Variants in TOX observed in about 807,000 individuals in gnomAD.
The protein encoded by TOX is thymocyte selection-associated high mobility group box protein TOX.
Under a neutral mutation model 53.7 loss-of-function variants are expected in TOX, and 11 were observed. That is an observed-to-expected ratio of 0.20 (90% confidence interval 0.13 to 0.34). The LOEUF is 0.34. Among genes scored for constraint, TOX ranks in the 10% least tolerant of loss-of-function variants. TOX has a pLI of 1.00. For synonymous variants in TOX, 225 were observed against 245.3 expected (o/e 0.92, Z 0.77); for missense variants, 570 against 664.6 (o/e 0.86, Z 1.56).
At chr8:58,982,440 C>T (rs539605013) in intron 1 of TOX, among the ~76,000 whole-genome samples, 318 of 152,300 alleles carry the variant, frequency 2.1e-3, no homozygotes, top group African/African-American at 7.1e-3. Context: ...TCATCAAAGA[C>T]GCCTATCAGA....
intron 3 of TOX, among the ~76,000 whole-genome samples, chr8:58,878,205 G>GAA (rs3083365): frequency 4.3e-5 from 6 of 141,170 alleles, no homozygotes; most frequent in East Asian, 4.1e-4. Flanking sequence ...GTGGTATTTG[G>GAA]AAAAAAAAAA....
intron 1 of TOX, among the ~76,000 whole-genome samples, chr8:59,008,821 C>A (rs1479854030): frequency 6.6e-6 from 1 of 152,200 alleles, no homozygotes; most frequent in African/African-American, 2.4e-5. Flanking sequence ...AGATGGCCAC[C>A]AGTAAGCTAA....
intron 3 of TOX, among the ~76,000 whole-genome samples, chr8:58,928,629 A>T (rs1424952999): frequency 7.1e-6 from 1 of 140,092 alleles, no homozygotes; most frequent in Non-Finnish European, 1.5e-5. Flanking sequence ...CTTTTCAAGC[A>T]CTATATATAT....
At chr8:59,052,730 T>C (rs1316757697) in intron 1 of TOX, among the ~76,000 whole-genome samples, 1 of 152,214 alleles carries the variant, frequency 6.6e-6, no homozygotes, top group Non-Finnish European at 1.5e-5. Context: ...TCTCTGTTCA[T>C]TTCTTCTGAT....
At chr8:59,034,949 T>C (rs1423237318) in intron 1 of TOX, among the ~76,000 whole-genome samples, 2 of 151,912 alleles carry the variant, frequency 1.3e-5, no homozygotes, top group African/African-American at 4.8e-5. Flanking sequence ...AGTCTCAAGG[T>C]CAGGAAGTGG....
chr8:58,811,299 A>G (rs1224801034), intron 7 of TOX, among the ~76,000 whole-genome samples: 1 of 152,230 alleles, frequency 6.6e-6, no homozygotes, highest in Non-Finnish European at 1.5e-5. Context: ...GAGAAAAATC[A>G]CCAACTGTTT....
At chr8:58,849,838 C>T (rs998871618) in intron 4 of TOX, among the ~76,000 whole-genome samples, 1 of 152,164 alleles carries the variant, frequency 6.6e-6, no homozygotes, top group African/African-American at 2.4e-5. Flanking sequence ...AGCAAATTGA[C>T]TTGAATTATT....
At chr8:58,813,508 T>C (rs1810120509) in intron 7 of TOX, among the ~76,000 whole-genome samples, 1 of 152,196 alleles carries the variant, frequency 6.6e-6, no homozygotes, top group African/African-American at 2.4e-5. Context: ...TAATTCTTCA[T>C]ACAAACACTA....
intron 1 of TOX, among the ~76,000 whole-genome samples, chr8:59,113,001 C>T (rs1805043394): frequency 6.6e-6 from 1 of 152,166 alleles, no homozygotes; most frequent in Non-Finnish European, 1.5e-5. Flanking sequence ...GAGATTCACA[C>T]TCAGATAGCT....
intron 1 of TOX, among the ~76,000 whole-genome samples, chr8:58,996,158 T>G (rs2129417725): frequency 6.6e-6 from 1 of 152,364 alleles, no homozygotes; most frequent in South Asian, 2.1e-4. Flanking sequence ...GAAAATGCTT[T>G]GCATGTATGA....
intron 1 of TOX, among the ~76,000 whole-genome samples, chr8:59,073,574 G>C (rs536914202): frequency 8.6e-5 from 13 of 151,644 alleles, no homozygotes; most frequent in African/African-American, 2.4e-4. Flanking sequence ...TTGTTTTTTT[G>C]TTTTGTTTTG....
chr8:58,823,190 T>C (rs1810310144), intron 6 of TOX, among the ~76,000 whole-genome samples: 1 of 152,188 alleles, frequency 6.6e-6, no homozygotes, highest in Admixed American at 6.5e-5. Flanking sequence ...TGTTAATTAA[T>C]CTGCTGGATT....
intron 6 of TOX, among the ~76,000 whole-genome samples, chr8:58,821,926 C>T (rs1310846799): frequency 2.0e-5 from 3 of 152,018 alleles, no homozygotes; most frequent in Non-Finnish European, 4.4e-5. Context: ...ATCCACCCGC[C>T]CCAGAGACTA....
intron 3 of TOX, among the ~76,000 whole-genome samples, chr8:58,933,558 A>G (rs1812294906): frequency 6.7e-6 from 1 of 148,358 alleles, no homozygotes; most frequent in African/African-American, 2.5e-5. Context: ...TAACTGATTA[A>G]ACTTTGAAGG....
intron 1 of TOX, among the ~76,000 whole-genome samples, chr8:58,995,514 T>C (rs1813545050): frequency 6.6e-6 from 1 of 152,212 alleles, no homozygotes; most frequent in South Asian, 2.1e-4. Context: ...TTACTTATTA[T>C]TTATATCAAA....
At chr8:58,973,804 CTTTTTTT>C (rs921295196) in intron 1 of TOX, among the ~76,000 whole-genome samples, 2 of 145,760 alleles carry the variant, frequency 1.4e-5, no homozygotes, top group East Asian at 4.0e-4. Flanking sequence ...AAGTGGTTTT[CTTTTTTT>C]TTTTGAAATG....
intron 1 of TOX, among the ~76,000 whole-genome samples, chr8:59,005,239 C>T (rs1047964799): frequency 3.9e-5 from 6 of 152,078 alleles, no homozygotes; most frequent in Admixed American, 2.0e-4. Context: ...GGGGTTTCAC[C>T]GTGTTAGCCA....
intron 1 of TOX, among the ~76,000 whole-genome samples, chr8:59,098,728 T>G (rs1208506086): frequency 6.6e-6 from 1 of 152,342 alleles, no homozygotes; most frequent in East Asian, 1.9e-4. Flanking sequence ...CCTTGCTAAA[T>G]CCCTGGATTC....
intron 2 of TOX, among the ~76,000 whole-genome samples, chr8:58,956,154 G>T (rs1472728550): frequency 1.3e-5 from 2 of 152,188 alleles, no homozygotes; most frequent in Non-Finnish European, 2.9e-5. Flanking sequence ...CTGAAGAAGA[G>T]AACTAGACTT....
Sources: allele counts gnomAD v4.1 joint callset (sites outside exome capture counted in the v4.1 genomes callset), GRCh38; gene constraint gnomAD v4.1.1; transcripts MANE v1.5; gene names NCBI Gene and HGNC (gene_info 2026-07-23, HGNC 2026-07-21).